Variants in DNAJC1 observed in about 807,000 individuals in gnomAD.
The protein encoded by DNAJC1 is dnaJ homolog subfamily C member 1.
In DNAJC1, 58 loss-of-function variants were observed where a neutral mutation model predicts 76.6. The ratio of observed to expected loss-of-function variants is 0.76; its 90% CI spans 0.61 to 0.94. DNAJC1 has a LOEUF of 0.94. Among genes scored for constraint, DNAJC1 ranks in the 40% least tolerant of loss-of-function variants. DNAJC1 has a pLI of 0.00. For missense variants in DNAJC1, 689 were observed against 677.3 expected (o/e 1.02, Z -0.19); for synonymous variants, 258 against 267.9 (o/e 0.96, Z 0.36).
intron 1 of DNAJC1, among the ~76,000 whole-genome samples, chr10:21,950,728 G>C (rs1837580586): frequency 6.6e-6 from 1 of 152,194 alleles, no homozygotes. Flanking sequence ...TGAATGATAA[G>C]AAAGTGAAAA....
intron 10 of DNAJC1, among the ~76,000 whole-genome samples, chr10:21,765,712 G>A (rs1183706028): frequency 6.6e-6 from 1 of 152,102 alleles, no homozygotes; most frequent in Non-Finnish European, 1.5e-5. Context: ...AGGTGCAGTG[G>A]CGGGCGCCCG....
At chr10:21,909,127 A>T (rs896321815) in intron 6 of DNAJC1, among the ~76,000 whole-genome samples, 2 of 152,206 alleles carry the variant, frequency 1.3e-5, no homozygotes, top group Admixed American at 6.5e-5. Context: ...GCCTCAGGTG[A>T]TCTGCCTGCT....
chr10:22,000,111 A>G (rs1426323504), intron 1 of DNAJC1, among the ~76,000 whole-genome samples: 3 of 152,140 alleles, frequency 2.0e-5, no homozygotes, highest in African/African-American at 7.2e-5. Context: ...AATCTTTAGA[A>G]TTATCTTCAG....
chr10:21,897,938 C>T (rs549004663), intron 7 of DNAJC1, among the ~76,000 whole-genome samples: 4 of 152,294 alleles, frequency 2.6e-5, no homozygotes, highest in Admixed American at 6.5e-5. Flanking sequence ...TCTGTCCCCA[C>T]GGTCAGATGA....
chr10:21,813,078 T>C (rs1316438263), intron 8 of DNAJC1, among the ~76,000 whole-genome samples: 5 of 111,406 alleles, frequency 4.5e-5, no homozygotes, highest in East Asian at 6.8e-4. Flanking sequence ...TACATATATA[T>C]ACATATATAC....
chr10:21,781,406 A>T (rs965162181), intron 9 of DNAJC1, among the ~76,000 whole-genome samples: 1 of 152,238 alleles, frequency 6.6e-6, no homozygotes, highest in African/African-American at 2.4e-5. Context: ...ACCACAGTGC[A>T]ATCAAACTAG....
chr10:21,937,830 C>T (rs892973166), intron 1 of DNAJC1, among the ~76,000 whole-genome samples: 1 of 151,940 alleles, frequency 6.6e-6, no homozygotes, highest in African/African-American at 2.4e-5. Flanking sequence ...AAAATTCACA[C>T]GTATGTGGAA....
At chr10:21,792,333 G>A (rs1354302516) in intron 9 of DNAJC1, among the ~76,000 whole-genome samples, 2 of 152,106 alleles carry the variant, frequency 1.3e-5, no homozygotes, top group East Asian at 3.8e-4. Flanking sequence ...CAGAAATTAG[G>A]GGAGGAAGGA....
chr10:21,889,672 C>T lies in DNAJC1; in HGVS notation c.821-7233G>A, dbSNP rs549610768. Among the ~76,000 whole-genome samples the T allele has an allele frequency of 8.5e-5, 13 of 152,252 alleles. No homozygotes were observed. In the South Asian group the frequency reaches 2.5e-3, roughly 29 times the overall value. Reference sequence around the variant, plus strand: ...TTTTCTTTGTGTTTCTTATGTATCTCAGACTTGGTGCTGCAGAAACTAGCA... The same window carrying T: ...TTTTCTTTGTGTTTCTTATGTATCTTAGACTTGGTGCTGCAGAAACTAGCA... On this transcript the variant is annotated intron_variant, in intron 7 of 11. Coordinates refer to ENST00000376980, the MANE Select transcript of DNAJC1 (RefSeq NM_022365.4).
chr10:21,959,603 T>C (rs962569248), intron 1 of DNAJC1, among the ~76,000 whole-genome samples: 3 of 151,600 alleles, frequency 2.0e-5, no homozygotes, highest in African/African-American at 7.2e-5. Flanking sequence ...CTGGCCAAAA[T>C]GGTGAAACTC....
intron 6 of DNAJC1, 24 bp downstream of exon 6, chr10:21,918,755 T>C: frequency 6.5e-7 from 1 of 1,533,178 alleles, no homozygotes; most frequent in Non-Finnish European, 9.0e-7. Flanking sequence ...AGATCTAATG[T>C]TATATAAAAG....
intron 9 of DNAJC1, among the ~76,000 whole-genome samples, chr10:21,787,822 G>A (rs1564788058): frequency 6.6e-6 from 1 of 152,226 alleles, no homozygotes; most frequent in Non-Finnish European, 1.5e-5. Flanking sequence ...AAGCCCAGCT[G>A]AGGGAGCTGC....
chr10:21,850,063 T>C (rs1284536187), intron 8 of DNAJC1, among the ~76,000 whole-genome samples: 2 of 152,106 alleles, frequency 1.3e-5, no homozygotes, highest in African/African-American at 4.8e-5. Flanking sequence ...AGGAACAAGA[T>C]AAGGATGCCC....
chr10:21,841,024 T>C (rs1473320291), intron 8 of DNAJC1, among the ~76,000 whole-genome samples: 5 of 152,180 alleles, frequency 3.3e-5, no homozygotes, highest in South Asian at 2.1e-4. Context: ...ATTTAACAAA[T>C]GGTGCTGGGA....
chr10:21,918,379 T>TG (rs1836987865), intron 6 of DNAJC1, among the ~76,000 whole-genome samples: 1 of 150,854 alleles, frequency 6.6e-6, no homozygotes. Flanking sequence ...TGTAAAGTTT[T>TG]TTTTTTTTTT....
At chr10:21,833,703 C>T (rs77586396) in intron 8 of DNAJC1, among the ~76,000 whole-genome samples, 5,346 of 152,188 alleles carry the variant, frequency 0.035, 162 homozygotes, top group African/African-American at 0.069. Flanking sequence ...ACCAGGCACA[C>T]AGTAGCCACT....
At chr10:21,765,169 C>A (rs1834284535) in intron 10 of DNAJC1, among the ~76,000 whole-genome samples, 1 of 152,118 alleles carries the variant, frequency 6.6e-6, no homozygotes, top group Non-Finnish European at 1.5e-5. Flanking sequence ...AAAAAGAAAT[C>A]CAGAAATTTC....
At chr10:21,952,373 T>C (rs1444553312) in intron 1 of DNAJC1, among the ~76,000 whole-genome samples, 1 of 152,212 alleles carries the variant, frequency 6.6e-6, no homozygotes, top group Non-Finnish European at 1.5e-5. Context: ...TTTTTTTTCT[T>C]CACTGAATGC....
chr10:21,916,457 C>A (rs1267580264), intron 6 of DNAJC1, among the ~76,000 whole-genome samples: 1 of 152,012 alleles, frequency 6.6e-6, no homozygotes, highest in Non-Finnish European at 1.5e-5. Flanking sequence ...CCACTGCACT[C>A]CAGCCTGGGC....
Sources: gnomAD v4.1 joint callset for allele counts (sites outside exome capture counted in the v4.1 genomes callset) on GRCh38, gnomAD v4.1.1 for gene constraint, MANE v1.5 for transcripts, NCBI Gene and HGNC (gene_info 2026-07-23, HGNC 2026-07-21) for gene names.